TAFA1: variants seen among roughly 807,000 people sequenced by gnomAD.
TAFA1 encodes chemokine-like protein TAFA-1.
A neutral mutation model predicts 18.5 loss-of-function variants in TAFA1; 4 were observed. The observed-to-expected ratio is 0.22, with a 90% CI of 0.11 to 0.49. TAFA1 has a LOEUF of 0.49. TAFA1 is among the 20% of genes least tolerant of loss of function. TAFA1 has a pLI of 0.98. For synonymous variants in TAFA1, 56 were observed against 55.2 expected, an observed-to-expected ratio of 1.01 and a Z score of -0.06; for missense variants, 147 against 169.0, an observed-to-expected ratio of 0.87 and a Z score of 0.72.
chr3:68,190,458 A>G (rs2066323335), intron 2 of TAFA1, among the ~76,000 whole-genome samples: 1 of 151,880 alleles, frequency 6.6e-6, no homozygotes, highest in South Asian at 2.1e-4. Flanking sequence ...GAAGTAGGAA[A>G]AGTACCCTTT....
At chr3:68,306,819 A>G (rs1449212743) in intron 2 of TAFA1, among the ~76,000 whole-genome samples, 1 of 152,172 alleles carries the variant, frequency 6.6e-6, no homozygotes, top group African/African-American at 2.4e-5. Context: ...AAGTGTCCAC[A>G]TTCCTGTAAC....
At chr3:68,222,412 T>G (rs927194969) in intron 2 of TAFA1, among the ~76,000 whole-genome samples, 1 of 152,216 alleles carries the variant, frequency 6.6e-6, no homozygotes, top group Non-Finnish European at 1.5e-5. Flanking sequence ...ATTTTCTGAG[T>G]TGTATGAAGA....
At chr3:67,993,350 T>C in the TAFA1 span, among the ~76,000 whole-genome samples, 2 of 152,176 alleles carry the variant, frequency 1.3e-5, no homozygotes, top group Non-Finnish European at 2.9e-5. Flanking sequence ...GGAGGTACCA[T>C]ATATTTAGAT....
At chr3:68,266,657 T>C (rs2067552225) in intron 2 of TAFA1, among the ~76,000 whole-genome samples, 1 of 152,070 alleles carries the variant, frequency 6.6e-6, no homozygotes, top group African/African-American at 2.4e-5. Flanking sequence ...CATGGGGCAT[T>C]GCAGGAGACA....
intron 2 of TAFA1, among the ~76,000 whole-genome samples, chr3:68,388,560 GT>G (rs1243488717): frequency 7.3e-5 from 10 of 136,594 alleles, no homozygotes; most frequent in South Asian, 4.2e-4. Context: ...CACCTATGAC[GT>G]TTTTTTTATC....
chr3:68,069,295 C>T (rs1203881535), intron 2 of TAFA1, among the ~76,000 whole-genome samples: 2 of 152,152 alleles, frequency 1.3e-5, no homozygotes. Context: ...CAAGGAGGAA[C>T]AAGTCACATT....
intron 2 of TAFA1, chr3:68,250,806 C>T (rs1177251058): frequency 1.3e-5 from 2 of 151,112 alleles, no homozygotes; most frequent in Non-Finnish European, 2.9e-5. Context: ...TTCCTTCTTC[C>T]CTGGAGCCTG....
intron 2 of TAFA1, among the ~76,000 whole-genome samples, chr3:68,338,822 G>T (rs1297457847): frequency 6.6e-6 from 1 of 152,170 alleles, no homozygotes; most frequent in Non-Finnish European, 1.5e-5. Context: ...ACTGCCTTGA[G>T]ACATTTGTTG....
chr3:68,017,971 A>G (rs1035444405), intron 2 of TAFA1, among the ~76,000 whole-genome samples: 3 of 74,620 alleles, frequency 4.0e-5, no homozygotes, highest in Admixed American at 1.4e-4. Flanking sequence ...GAAGTCAGCT[A>G]GAAGAACAGA....
chr3:68,069,492 G>A (rs1421023905), intron 2 of TAFA1, among the ~76,000 whole-genome samples: 1 of 152,118 alleles, frequency 6.6e-6, no homozygotes, highest in East Asian at 1.9e-4. Context: ...TACAGTTCAA[G>A]AGGACATTTG....
intron 2 of TAFA1, among the ~76,000 whole-genome samples, chr3:68,038,852 T>C (rs895596213): frequency 2.6e-5 from 4 of 152,230 alleles, no homozygotes; most frequent in Non-Finnish European, 5.9e-5. Flanking sequence ...ACCTCTCATC[T>C]TGTTTACAAT....
chr3:68,074,373 CCTTAGAGGCTGTATAGAAG>C (rs1350311577), intron 2 of TAFA1, among the ~76,000 whole-genome samples: 1 of 152,110 alleles, frequency 6.6e-6, no homozygotes, highest in Non-Finnish European at 1.5e-5. Context: ...GGAACCCCTG[CCTTAGAGGCTGTATAGAAG>C]CTTAACGGAA....
rs139344118 is a variant in TAFA1 at position 68,438,023 on chromosome 3, C to T, written c.259+20603C>T. On this transcript the variant is annotated intron_variant, in intron 3 of 4. Coordinates refer to ENST00000478136, the MANE Select transcript of TAFA1 (RefSeq NM_213609.4). The stretch of plus-strand genomic sequence containing the variant: ...TAGGCTAGAAGAAAGGAGTAACAGG[C>T]CCCAAGCAAGTCCAAAACCCAAGAG... Among the ~76,000 whole-genome samples, 18 of 152,128 alleles carry T rather than the reference C, an allele frequency of 1.2e-4. No individual in the cohort carries two copies. In the East Asian group the frequency reaches 3.3e-3, roughly 28 times the overall value.
chr3:68,271,846 A>T (rs962782701), intron 2 of TAFA1, among the ~76,000 whole-genome samples: 19 of 150,554 alleles, frequency 1.3e-4, no homozygotes, highest in African/African-American at 4.7e-4. Context: ...TCACACACAC[A>T]CACACACACA....
At chr3:68,064,018 C>T (rs2064640536) in intron 2 of TAFA1, among the ~76,000 whole-genome samples, 1 of 152,106 alleles carries the variant, frequency 6.6e-6, no homozygotes, top group South Asian at 2.1e-4. Flanking sequence ...AGGAATTCAG[C>T]TGGAATCCTA....
chr3:68,297,556 T>A (rs28522512), intron 2 of TAFA1, among the ~76,000 whole-genome samples: 9,633 of 152,242 alleles, frequency 0.063, 472 homozygotes, highest in African/African-American at 0.13. Flanking sequence ...TGATGGGCAA[T>A]AATGTCTGGG....
At chr3:68,530,628 T>G (rs1201050948) in intron 3 of TAFA1, among the ~76,000 whole-genome samples, 1 of 152,086 alleles carries the variant, frequency 6.6e-6, no homozygotes, top group Non-Finnish European at 1.5e-5. Flanking sequence ...TTTAATTAAC[T>G]CAGTTCTAGG....
intron 2 of TAFA1, among the ~76,000 whole-genome samples, chr3:68,337,542 A>C (rs141601920): frequency 6.6e-6 from 1 of 152,330 alleles, no homozygotes; most frequent in African/African-American, 2.4e-5. Flanking sequence ...TAATTGATGC[A>C]TACTATTTGG....
chr3:68,009,180 C>T (rs925400274), intron 2 of TAFA1, among the ~76,000 whole-genome samples: 1 of 152,048 alleles, frequency 6.6e-6, no homozygotes, highest in Non-Finnish European at 1.5e-5. Flanking sequence ...AATATACTAC[C>T]AATGCTATGT....
Sources: allele counts gnomAD v4.1 joint callset (sites outside exome capture counted in the v4.1 genomes callset), GRCh38; gene constraint gnomAD v4.1.1; transcripts MANE v1.5; gene names NCBI Gene and HGNC (gene_info 2026-07-23, HGNC 2026-07-21).